Variants in ADK observed in about 807,000 individuals in gnomAD.
The protein encoded by ADK is adenosine kinase.
Under a neutral mutation model 44.7 loss-of-function variants are expected in ADK, and 24 were observed. That is an observed-to-expected ratio of 0.54 (90% CI 0.39 to 0.76). The LOEUF (loss-of-function observed/expected upper bound fraction) is 0.76, where lower values mean the gene tolerates loss of function less well. Ranked by LOEUF, ADK falls within the 30% of genes least tolerant of loss-of-function variation. The pLI is 0.00. For synonymous variants in ADK, 128 were observed against 142.6 expected, an observed-to-expected ratio of 0.90 and a Z score of 0.73; for missense variants, 321 against 425.1, an observed-to-expected ratio of 0.76 and a Z score of 2.15.
chr10:74,676,465 T>C (rs764737999), intron 10 of ADK, among the ~76,000 whole-genome samples: 33 of 152,034 alleles, frequency 2.2e-4, no homozygotes, highest in Non-Finnish European at 2.6e-4. Flanking sequence ...AAAGTAACTG[T>C]GCTGACTCAT....
chr10:74,242,597 TGGTGAAACCCC>T (rs1246621113), intron 3 of ADK, among the ~76,000 whole-genome samples: 2 of 152,212 alleles, frequency 1.3e-5, no homozygotes, highest in African/African-American at 2.4e-5. Context: ...GGTGGGTCCC[TGGTGAAACCCC>T]ACCTCCAAGG....
intron 2 of ADK, among the ~76,000 whole-genome samples, chr10:74,206,108 T>C (rs7093745): frequency 3.9e-5 from 6 of 152,184 alleles, no homozygotes; most frequent in African/African-American, 1.4e-4. Flanking sequence ...ATGGTCACTA[T>C]TTTAAAAAAA....
chr10:74,243,999 TAA>T (rs145495707), intron 3 of ADK, among the ~76,000 whole-genome samples: 5,823 of 151,280 alleles, frequency 0.038, 412 homozygotes, highest in African/African-American at 0.13. Flanking sequence ...ATCGACACCT[TAA>T]AAAAAAACTA....
At chr10:74,611,517 G>T (rs1225647970) in intron 9 of ADK, among the ~76,000 whole-genome samples, 4 of 148,232 alleles carry the variant, frequency 2.7e-5, no homozygotes, top group African/African-American at 1.0e-4. Flanking sequence ...TTTTAGAATT[G>T]GGGGAGGGTG....
chr10:74,587,250 TACTG>T (rs1851560674), intron 7 of ADK, among the ~76,000 whole-genome samples: 1 of 152,246 alleles, frequency 6.6e-6, no homozygotes, highest in African/African-American at 2.4e-5. Flanking sequence ...CAGCAAATGT[TACTG>T]ACTATGTGAT....
rs200795757 is a variant in ADK at position 74,288,634 on chromosome 10, GA to G, written c.195-26032del. On this transcript the variant is annotated intron_variant, in intron 3 of 10. Coordinates refer to ENST00000539909, the MANE Select transcript of ADK (RefSeq NM_006721.4). ...CACTGCACTCCAGCCTGGGTGACAAGAGCGAGACTCCATCTCAAAAAGAAAA... is the reference window on the plus strand; with the variant it reads ...CACTGCACTCCAGCCTGGGTGACAAGGCGAGACTCCATCTCAAAAAGAAAA... Among the ~76,000 whole-genome samples the G allele has an allele frequency of 6.9e-4, 105 of 152,280 alleles. 4 individuals are homozygous for G. In the East Asian group the frequency reaches 0.016, roughly 23 times the overall value.
chr10:74,365,986 TTCA>T (rs1842487042), intron 4 of ADK, among the ~76,000 whole-genome samples: 1 of 152,222 alleles, frequency 6.6e-6, no homozygotes, highest in African/African-American at 2.4e-5. Context: ...TGTAAATGTT[TTCA>T]TGTGCCTGTT....
chr10:74,493,200 C>CA (rs911566159), intron 6 of ADK, among the ~76,000 whole-genome samples: 1 of 151,746 alleles, frequency 6.6e-6, no homozygotes, highest in African/African-American at 2.4e-5. Context: ...TTTACTGAGA[C>CA]AGAGTCTCAG....
chr10:74,696,246 C>G (rs1856197085), intron 10 of ADK, among the ~76,000 whole-genome samples: 1 of 152,226 alleles, frequency 6.6e-6, no homozygotes, highest in Middle Eastern at 3.4e-3. Flanking sequence ...GTCTCGAACT[C>G]CTGACCTCAA....
intron 7 of ADK, among the ~76,000 whole-genome samples, chr10:74,547,014 T>G (rs1849845210): frequency 6.6e-6 from 1 of 152,194 alleles, no homozygotes; most frequent in Non-Finnish European, 1.5e-5. Context: ...CTTGTAGGGT[T>G]TTTCCCACAC....
At chr10:74,594,813 C>T (rs776507199) in intron 8 of ADK, among the ~76,000 whole-genome samples, 1 of 152,074 alleles carries the variant, frequency 6.6e-6, no homozygotes, top group Non-Finnish European at 1.5e-5. Flanking sequence ...GTAATACATT[C>T]ATACTTGCAC....
chr10:74,165,184 C>T (rs1164467728), intron 1 of ADK, among the ~76,000 whole-genome samples: 2 of 152,114 alleles, frequency 1.3e-5, no homozygotes, highest in African/African-American at 4.8e-5. Context: ...CCAGATGTGG[C>T]TTTGAAATGG....
chr10:74,421,039 G>A (rs972819983), intron 6 of ADK, among the ~76,000 whole-genome samples: 1 of 152,120 alleles, frequency 6.6e-6, no homozygotes, highest in African/African-American at 2.4e-5. Flanking sequence ...TTTAATGTAT[G>A]CAGGTTTTTT....
rs565829456 is a variant in ADK at position 74,304,875 on chromosome 10, C to CT, written c.195-9789dup. ...ATCGTGGAACACAAAAAGAAATAGT[C>CT]TTTAATGCTGTGTTTTACAAATGAG... On this transcript the variant is annotated intron_variant, in intron 3 of 10. Coordinates refer to ENST00000539909, the MANE Select transcript of ADK (RefSeq NM_006721.4). 1.0e-3 allele frequency among the ~76,000 whole-genome samples: 156 copies of CT among 152,180 alleles called. 5 individuals are homozygous for CT. The South Asian group carries it at 0.031, about 31-fold the overall frequency.
At chr10:74,661,645 CTT>C (rs1270190858) in intron 9 of ADK, among the ~76,000 whole-genome samples, 1 of 152,210 alleles carries the variant, frequency 6.6e-6, no homozygotes, top group East Asian at 1.9e-4. Context: ...GATATATAAA[CTT>C]TCTTCTGTCT....
chr10:74,256,588 T>C (rs1845832722), intron 3 of ADK, among the ~76,000 whole-genome samples: 1 of 152,274 alleles, frequency 6.6e-6, no homozygotes, highest in Middle Eastern at 3.4e-3. Flanking sequence ...GAGCATTTAA[T>C]TACCAGTGCA....
intron 6 of ADK, among the ~76,000 whole-genome samples, chr10:74,421,258 A>G (rs186737935): frequency 2.2e-4 from 34 of 152,310 alleles, no homozygotes; most frequent in African/African-American, 7.5e-4. Context: ...TTTGTTTCTC[A>G]TAACGGTATG....
intron 3 of ADK, among the ~76,000 whole-genome samples, chr10:74,269,003 T>C (rs1342939018): frequency 6.6e-6 from 1 of 152,232 alleles, no homozygotes; most frequent in African/African-American, 2.4e-5. Flanking sequence ...GAAAGATGAA[T>C]GATTAAGTAT....
At chr10:74,564,055 C>G (rs1278437078) in intron 7 of ADK, among the ~76,000 whole-genome samples, 2 of 150,224 alleles carry the variant, frequency 1.3e-5, no homozygotes, top group Admixed American at 6.6e-5. Flanking sequence ...CCCCCAACCC[C>G]ACAACAGTCC....
Sources: gnomAD v4.1 joint callset for allele counts (sites outside exome capture counted in the v4.1 genomes callset) on GRCh38, gnomAD v4.1.1 for gene constraint, MANE v1.5 for transcripts, NCBI Gene and HGNC (gene_info 2026-07-23, HGNC 2026-07-21) for gene names.